GRIK2: variants seen among roughly 807,000 people sequenced by gnomAD.
GRIK2 encodes the protein glutamate ionotropic receptor kainate type subunit 2, also known as glutamate receptor ionotropic, kainate 2.
In GRIK2, 32 loss-of-function variants were observed where a neutral mutation model predicts 100.3. The observed-to-expected ratio is 0.32, with a 90% CI of 0.24 to 0.43. The LOEUF (loss-of-function observed/expected upper bound fraction) is 0.43. Ranked by LOEUF, GRIK2 falls within the 20% of genes least tolerant of loss-of-function variation. The pLI is 1.00. For missense variants in GRIK2, 843 were observed against 1,114.9 expected (o/e 0.76, Z 3.47); for synonymous variants, 417 against 389.4 (o/e 1.07, Z -0.83).
chr6:101,524,718 GTTT>G (rs11339091), intron 2 of GRIK2, among the ~76,000 whole-genome samples: 1 of 134,282 alleles, frequency 7.4e-6, no homozygotes, highest in African/African-American at 2.8e-5. Flanking sequence ...TTGCATGTTC[GTTT>G]TTTTTTTTTT....
intron 2 of GRIK2, among the ~76,000 whole-genome samples, chr6:101,511,093 G>A (rs1416429779): frequency 1.3e-5 from 2 of 152,146 alleles, no homozygotes; most frequent in African/African-American, 2.4e-5. Flanking sequence ...AGTTGCTCTA[G>A]CACCAGGTAA....
intron 7 of GRIK2, among the ~76,000 whole-genome samples, chr6:101,734,933 C>T (rs1775531571): frequency 1.3e-5 from 2 of 152,020 alleles, no homozygotes; most frequent in African/African-American, 4.8e-5. Flanking sequence ...TCCAGCTTGT[C>T]TTCATTGAGA....
chr6:102,025,266 A>T (rs1769633057), intron 14 of GRIK2, among the ~76,000 whole-genome samples: 1 of 151,214 alleles, frequency 6.6e-6, no homozygotes, highest in Non-Finnish European at 1.5e-5. Context: ...TGTTCCAGAT[A>T]CAAGAGCTAT....
chr6:101,563,454 G>A (rs906839159), intron 2 of GRIK2, among the ~76,000 whole-genome samples: 9 of 152,084 alleles, frequency 5.9e-5, no homozygotes, highest in African/African-American at 2.2e-4. Context: ...ACCATGTAGA[G>A]CATTCATTTT....
chr6:102,017,632 T>G (rs186905309), intron 14 of GRIK2, among the ~76,000 whole-genome samples: 70 of 152,310 alleles, frequency 4.6e-4, no homozygotes, highest in African/African-American at 1.6e-3. Flanking sequence ...CTTTCTGTCT[T>G]TCTTCTCCTT....
intron 2 of GRIK2, among the ~76,000 whole-genome samples, chr6:101,554,741 T>C (rs1776660496): frequency 6.6e-6 from 1 of 152,172 alleles, no homozygotes. Flanking sequence ...TTAGTACCTA[T>C]AGTACCACCA....
chr6:101,896,768 T>G (rs369449700), intron 12 of GRIK2, among the ~76,000 whole-genome samples: 1 of 151,850 alleles, frequency 6.6e-6, no homozygotes, highest in East Asian at 1.9e-4. Context: ...CCAATGAACT[T>G]CTGAGAACTA....
intron 4 of GRIK2, among the ~76,000 whole-genome samples, chr6:101,656,302 CAAA>C (rs111721256): frequency 1.2e-5 from 1 of 84,008 alleles, no homozygotes; most frequent in Non-Finnish European, 2.4e-5. Context: ...AGACTCCATC[CAAA>C]AAAAAAAAAA....
At chr6:101,758,881 A>C in intron 7 of GRIK2, among the ~76,000 whole-genome samples, 1 of 150,924 alleles carries the variant, frequency 6.6e-6, no homozygotes, top group South Asian at 2.1e-4. Flanking sequence ...TGAAACTATT[A>C]AAAGCTTTTG....
intron 4 of GRIK2, among the ~76,000 whole-genome samples, chr6:101,675,891 T>A (rs1770798540): frequency 6.6e-6 from 1 of 152,180 alleles, no homozygotes; most frequent in African/African-American, 2.4e-5. Flanking sequence ...TTAAGGAAAG[T>A]TATTTCACTG....
intron 2 of GRIK2, among the ~76,000 whole-genome samples, chr6:101,492,842 A>G (rs1773208786): frequency 6.6e-6 from 1 of 152,064 alleles, no homozygotes; most frequent in East Asian, 1.9e-4. Context: ...GACTGTGACT[A>G]TTACAATTAT....
chr6:101,659,937 G>A (rs181540484), intron 4 of GRIK2, among the ~76,000 whole-genome samples: 5 of 152,138 alleles, frequency 3.3e-5, no homozygotes, highest in African/African-American at 7.2e-5. Flanking sequence ...TGAATCTGAC[G>A]ATTATGTGTC....
In GRIK2 at chr6:102,032,834, T is replaced by G. The variant is rs531939193; in HGVS notation, c.2086-2507T>G. Among the ~76,000 whole-genome samples, 4 of 151,442 alleles carry G rather than the reference T, an allele frequency of 2.6e-5. No individual in the cohort carries two copies. In the East Asian group the frequency reaches 7.8e-4, roughly 30 times the overall value. On this transcript the variant is annotated intron_variant, in intron 14 of 16. Coordinates refer to ENST00000369134, the MANE Select transcript of GRIK2 (RefSeq NM_021956.5). ...GTTATCCTTGGCTGTTTGATCATAT[T>G]TAATAGATTTTAAAAGGCTCACTGC...
intron 11 of GRIK2, among the ~76,000 whole-genome samples, chr6:101,877,838 A>G (rs1785963763): frequency 6.6e-6 from 1 of 151,636 alleles, no homozygotes; most frequent in South Asian, 2.1e-4. Flanking sequence ...CAGTCCATCA[A>G]ATGTATTTTG....
intron 2 of GRIK2, among the ~76,000 whole-genome samples, chr6:101,538,389 A>T (rs1029377386): frequency 2.0e-4 from 31 of 151,774 alleles, no homozygotes; most frequent in African/African-American, 6.5e-4. Flanking sequence ...TTTTTCTTAT[A>T]ATTAAAATTA....
chr6:102,043,068 A>G (rs1470197499), intron 15 of GRIK2, among the ~76,000 whole-genome samples: 1 of 151,690 alleles, frequency 6.6e-6, no homozygotes, highest in Admixed American at 6.6e-5. Context: ...ATATATAAGC[A>G]TCTCCCTTTA....
At chr6:102,016,817 A>G (rs1234064979) in intron 14 of GRIK2, among the ~76,000 whole-genome samples, 4 of 152,120 alleles carry the variant, frequency 2.6e-5, no homozygotes, top group Non-Finnish European at 5.9e-5. Flanking sequence ...CTCAAGACAC[A>G]TCATCATCAG....
At chr6:101,986,512 A>G (rs898186520) in intron 14 of GRIK2, among the ~76,000 whole-genome samples, 6 of 151,886 alleles carry the variant, frequency 4.0e-5, no homozygotes, top group African/African-American at 1.2e-4. Context: ...TAGCTTTGAC[A>G]GTCATAAGGA....
At chr6:101,477,753 G>A (rs1772319831) in intron 2 of GRIK2, among the ~76,000 whole-genome samples, 1 of 151,998 alleles carries the variant, frequency 6.6e-6, no homozygotes, top group Non-Finnish European at 1.5e-5. Context: ...GCAACAGAAG[G>A]GAGGTATGTT....
Sources: allele counts gnomAD v4.1 joint callset (sites outside exome capture counted in the v4.1 genomes callset), GRCh38; gene constraint gnomAD v4.1.1; transcripts MANE v1.5; gene names NCBI Gene and HGNC (gene_info 2026-07-23, HGNC 2026-07-21).